LETM1: variants seen among roughly 807,000 people sequenced by gnomAD.
LETM1 encodes leucine zipper and EF-hand containing transmembrane protein 1.
In LETM1, 50 loss-of-function variants were observed where a neutral mutation model predicts 74.5. That is an observed-to-expected ratio of 0.67 (90% CI 0.53 to 0.85). The LOEUF is 0.85. Ranked by LOEUF, LETM1 falls within the 40% of genes least tolerant of loss-of-function variation. The probability of loss-of-function intolerance (pLI) is 0.00; values close to 1 mark genes in which losing one functional copy is unlikely to be tolerated. For synonymous variants in LETM1, 446 were observed against 407.1 expected (o/e 1.10, Z -1.15); for missense variants, 824 against 967.8 (o/e 0.85, Z 1.97).
Position 1,819,208 on chromosome 4 carries a change from C to T in LETM1, c.1743+130G>A, listed in dbSNP as rs193183696. The T allele has an allele frequency of 1.2e-4, 113 of 917,438 alleles. No homozygotes were observed. In the African/African-American group the frequency reaches 1.7e-3, roughly 14 times the overall value. The allele number at this position is 917,438 out of a possible 1,614,324, so 56.8% of individuals were successfully genotyped here. A position where few individuals can be genotyped will look rare whatever the true frequency, so the allele number is the denominator to read the frequency against. On this transcript the variant is annotated intron_variant, in intron 11 of 13. Coordinates refer to ENST00000302787, the MANE Select transcript of LETM1 (RefSeq NM_012318.3). ...CTGAATAAGGTTTATTTATAACGTGCTTTCCTCTCCAAATACTCTTTGGCC... is the reference window on the plus strand; with the variant it reads ...CTGAATAAGGTTTATTTATAACGTGTTTTCCTCTCCAAATACTCTTTGGCC...
At chr4:1,825,444 GGTCACA>G in intron 7 of LETM1, 114 bp downstream of exon 7, 2 of 1,243,158 alleles carry the variant, frequency 1.6e-6, no homozygotes, top group Non-Finnish European at 1.1e-6. Flanking sequence ...TCCCCAGAGA[GGTCACA>G]GTGTCGCCTC....
At chr4:1,818,651 G>T (rs1341188534) in intron 11 of LETM1, among the ~76,000 whole-genome samples, 1 of 151,650 alleles carries the variant, frequency 6.6e-6, no homozygotes, top group Admixed American at 6.6e-5. Context: ...AAAAAAAATC[G>T]TTATTAGGAA....
rs191288148 is a variant in LETM1, at chr4:1,845,657, C to T, written c.143+3492G>A. Among the ~76,000 whole-genome samples the T allele has an allele frequency of 3.2e-4, 48 of 151,206 alleles. 1 individual carries two copies. The highest frequency in any genetic ancestry group is 1.0e-3 in the African/African-American group (43 of 41,166). On this transcript the variant is annotated intron_variant, in intron 2 of 13. Transcript: ENST00000302787. ...CCACCTTCCAGGTTCACGAAGTTCT[C>T]CTGCCTCAGCCACCAAGTAGCTGGG... is the stretch of plus-strand genomic sequence containing the variant.
At chr4:1,843,843 C>T (rs1010247899) in intron 2 of LETM1, among the ~76,000 whole-genome samples, 7 of 152,152 alleles carry the variant, frequency 4.6e-5, no homozygotes, top group Non-Finnish European at 8.8e-5. Context: ...TGAGTCAAGG[C>T]GTGCCGAGAG....
chr4:1,825,828 AAGTG>A, intron 6 of LETM1, 145 bp from the exon 7 acceptor site: 1 of 913,172 alleles, frequency 1.1e-6, no homozygotes, highest in Non-Finnish European at 1.7e-6. Flanking sequence ...TCTAGGTTAG[AAGTG>A]ACTGGAAGCC....
intron 2 of LETM1, among the ~76,000 whole-genome samples, chr4:1,848,267 G>A (rs766969719): frequency 2.6e-4 from 40 of 152,060 alleles, no homozygotes; most frequent in Non-Finnish European, 4.1e-4. Flanking sequence ...AGCCAGGTGC[G>A]GCCGGACGCG....
At chr4:1,828,102 A>G (rs1470273804) in intron 6 of LETM1, among the ~76,000 whole-genome samples, 1 of 50,348 alleles carries the variant, frequency 2.0e-5, no homozygotes, top group Admixed American at 2.4e-4. Flanking sequence ...GGGGGCTGAC[A>G]CCCCCACCTC....
Position 1,841,704 on chromosome 4 carries a change from G to A in LETM1, c.237C>T (p.Cys79=), listed in dbSNP as rs1470871235. The A allele has an allele frequency of 1.2e-6, 2 of 1,614,038 alleles. No individual in the cohort carries two copies. The highest frequency in any genetic ancestry group is 1.7e-5 in the Admixed American group (1 of 60,004). ...HLGCWALRPE[C]LRIVSRAPWT... ...ATGGCGCTCTCGACACTATGCGAAG[G>A]CACTCGGGCCTCAGAGCCCAACAGC... The change falls in exon 3 of 14, where the codon TGC becomes TGT. Residue 79 remains cysteine, a synonymous_variant. Transcript: ENST00000302787.
At chr4:1,843,579 A>C (rs1414219991) in intron 2 of LETM1, among the ~76,000 whole-genome samples, 1 of 152,186 alleles carries the variant, frequency 6.6e-6, no homozygotes. Flanking sequence ...TGCAAACCCA[A>C]CACTAACCTC....
intron 2 of LETM1, among the ~76,000 whole-genome samples, chr4:1,844,500 C>T (rs562874401): frequency 6.4e-4 from 97 of 152,174 alleles, no homozygotes; most frequent in African/African-American, 2.2e-3. Context: ...GGGAGGCCAA[C>T]GTGGGTGGAT....
At chr4:1,850,222 C>T (rs1302253254) in intron 1 of LETM1, among the ~76,000 whole-genome samples, 2 of 152,120 alleles carry the variant, frequency 1.3e-5, no homozygotes, top group African/African-American at 4.8e-5. Context: ...TTTCTGGAAG[C>T]CAGTTCTGAG....
At chr4:1,826,726 G>A (rs531397156) in intron 6 of LETM1, among the ~76,000 whole-genome samples, 2 of 152,360 alleles carry the variant, frequency 1.3e-5, no homozygotes, top group East Asian at 1.9e-4. Flanking sequence ...GCTGGGCTCC[G>A]CCAGTTGATC....
intron 2 of LETM1, among the ~76,000 whole-genome samples, chr4:1,848,353 C>T (rs1456131502): frequency 6.6e-6 from 1 of 151,958 alleles, no homozygotes; most frequent in Non-Finnish European, 1.5e-5. Flanking sequence ...TTGAGACCAT[C>T]CTGGCTAACA....
At position 1,836,485 on chromosome 4, in the gene LETM1, C is replaced by A; in HGVS notation, c.682G>T (p.Ala228Ser). The change falls in exon 4 of 14, where the codon GCT becomes TCT. Residue 228 changes from alanine to serine, a missense_variant. Physicochemically the swap from Ala to Ser is moderately conservative, Grantham distance 99. Transcript: ENST00000302787. This position sits in a 1 kb window ranked among gnomAD's most constrained non-coding sequence, Gnocchi z 5.8. ...AACATGTTGGGGAAGAGCTTCACAG[C>A]AACAGGCAGCAGAAACTCCATGAAC... ...VPFMEFLLPV[A>S]VKLFPNMLPS... 1 of 1,614,010 alleles carries A rather than the reference C, an allele frequency of 6.2e-7. No homozygotes were observed. Among genetic ancestry groups the A allele is most frequent in the Non-Finnish European group, 8.5e-7 (1 of 1,180,006 alleles).
chr4:1,827,816 A>G (rs1165180100), intron 6 of LETM1, among the ~76,000 whole-genome samples: 1 of 150,456 alleles, frequency 6.6e-6, no homozygotes, highest in Non-Finnish European at 1.5e-5. Flanking sequence ...CACCTCCCAG[A>G]CGGGGTGGTG....
At chr4:1,841,217 T>C (rs1712675458) in intron 3 of LETM1, 130 bp downstream of exon 3, 2 of 776,506 alleles carry the variant, frequency 2.6e-6, no homozygotes, top group East Asian at 2.7e-5. Flanking sequence ...TGGTGGCACA[T>C]GCCTGTGGTC....
Position 1,832,732 on chromosome 4 carries a change from G to A in LETM1, c.1080+12C>T. On this transcript the variant is annotated intron_variant, in intron 6 of 13. Transcript: ENST00000302787. ...ACACCAGAGCTGTGGCGCGGAGTATGGCCAGGCTCACCTTGTCGTCTGCCT... is the reference window on the plus strand; with the variant it reads ...ACACCAGAGCTGTGGCGCGGAGTATAGCCAGGCTCACCTTGTCGTCTGCCT... The A allele has an allele frequency of 1.2e-6, 2 of 1,613,336 alleles. No individual in the cohort carries two copies. The highest frequency in any genetic ancestry group is 8.5e-7 in the Non-Finnish European group (1 of 1,179,316).
At chr4:1,840,247 T>C (rs1712639717) in intron 3 of LETM1, among the ~76,000 whole-genome samples, 1 of 152,110 alleles carries the variant, frequency 6.6e-6, no homozygotes, top group Admixed American at 6.6e-5. Context: ...TGTGATGGTA[T>C]ATGCCTGTAG....
At chr4:1,844,218 G>A (rs1271604916) in intron 2 of LETM1, among the ~76,000 whole-genome samples, 1 of 152,146 alleles carries the variant, frequency 6.6e-6, no homozygotes, top group Admixed American at 6.6e-5. Flanking sequence ...ACATCCCCCG[G>A]CAAATCCCAT....
Sources: allele counts gnomAD v4.1 joint callset (sites outside exome capture counted in the v4.1 genomes callset), GRCh38; gene constraint gnomAD v4.1.1; non-coding constraint Gnocchi (gnomAD v3.1); transcripts MANE v1.5; gene names NCBI Gene and HGNC (gene_info 2026-07-23, HGNC 2026-07-21).